ROCK1: variants seen among roughly 807,000 people sequenced by gnomAD.
ROCK1 encodes the protein Rho associated coiled-coil containing protein kinase 1, also known as rho-associated protein kinase 1.
In ROCK1, 36 loss-of-function variants were observed where a neutral mutation model predicts 196.8. The ratio of observed to expected loss-of-function variants is 0.18; its 90% CI spans 0.14 to 0.24. ROCK1 has a LOEUF of 0.24. ROCK1 is among the 10% of genes least tolerant of loss of function. The pLI, the probability that ROCK1 is intolerant of heterozygous loss-of-function variation, is 1.00. For synonymous variants in ROCK1, 443 were observed against 515.9 expected (o/e 0.86, Z 1.91); for missense variants, 920 against 1,562.0 (o/e 0.59, Z 6.93).
chr18:21,076,672 TACAC>T (rs112541303), intron 1 of ROCK1, among the ~76,000 whole-genome samples: 325 of 145,152 alleles, frequency 2.2e-3, no homozygotes, highest in Middle Eastern at 3.5e-3. Context: ...TCTTGGTACA[TACAC>T]ACACACACAC....
intron 16 of ROCK1, among the ~76,000 whole-genome samples, chr18:21,004,246 G>C (rs2035750231): frequency 6.6e-6 from 1 of 152,146 alleles, no homozygotes; most frequent in African/African-American, 2.4e-5. Flanking sequence ...CTATGCAACA[G>C]AGATCATATA....
intron 2 of ROCK1, among the ~76,000 whole-genome samples, chr18:21,058,906 G>A (rs2036266291): frequency 6.6e-6 from 1 of 152,066 alleles, no homozygotes; most frequent in African/African-American, 2.4e-5. Context: ...ATTATTTCAT[G>A]TCCAAATGTT....
intron 1 of ROCK1, among the ~76,000 whole-genome samples, chr18:21,077,736 A>C (rs1449111973): frequency 6.6e-6 from 1 of 152,174 alleles, no homozygotes; most frequent in Non-Finnish European, 1.5e-5. Flanking sequence ...CTCTCATCTC[A>C]TGTGAGTTTC....
At chr18:20,965,547 C>T (rs2035366752) in intron 27 of ROCK1, among the ~76,000 whole-genome samples, 2 of 152,040 alleles carry the variant, frequency 1.3e-5, no homozygotes, top group African/African-American at 4.8e-5. Context: ...GGGAATCTAA[C>T]CTACCAATTC....
chr18:20,985,971 ACCT>A (rs925624680), intron 19 of ROCK1, among the ~76,000 whole-genome samples: 10 of 152,070 alleles, frequency 6.6e-5, no homozygotes, highest in African/African-American at 2.4e-4. Flanking sequence ...GAATCCTCCC[ACCT>A]CAGCCTCCTG....
At chr18:21,061,269 G>A (rs117233764) in intron 2 of ROCK1, among the ~76,000 whole-genome samples, 1,835 of 152,002 alleles carry the variant, frequency 0.012, 20 homozygotes, top group South Asian at 0.021. Flanking sequence ...TAATACAGAC[G>A]GGGTTTTGTC....
rs2036113287 is a variant in ROCK1 at position 21,042,218 on chromosome 18, C to A, written c.838G>T (p.Ala280Ser). 1 of 1,573,916 alleles carries A rather than the reference C, an allele frequency of 6.4e-7. No homozygotes were observed. Among genetic ancestry groups the A allele is most frequent in the Non-Finnish European group, 8.6e-7 (1 of 1,166,324 alleles). Residue 280 changes from alanine (A) to serine (S), a missense_variant, in exon 8 of 33, where the codon GCA (alanine) becomes TCA (serine). Ala to Ser is a moderately conservative substitution (Grantham distance 99). This residue lies in a region of ROCK1 where 234 missense variants were observed against 460.7 expected (regional missense o/e 0.51). Coordinates refer to ENST00000399799, the MANE Select transcript of ROCK1 (RefSeq NM_005406.3). ...EMLVGDTPFYADSLVGTYSKI... is the reference protein window; with the variant it reads ...EMLVGDTPFYSDSLVGTYSKI... ...CTGTAAGTTCCAACCAAAGAATCTG[C>A]ATAAAAAGGTGTATCACCTGAAAAA...
Position 21,042,588 on chromosome 18 carries a change from A to G in ROCK1, c.797T>C (p.Val266Ala). ...ACCTACAAGCATTTCGTATAAAAAT[A>G]CCCCAACCGACCACCAGTCACATTC... ...GRECDWWSVGVFLYEMLVGDT... is the reference protein window; with the variant it reads ...GRECDWWSVGAFLYEMLVGDT... The change falls in exon 7 of 33, where the codon GTA becomes GCA. Residue 266 changes from valine (V) to alanine (A), a missense_variant. Transcript: ENST00000399799. The G allele has an allele frequency of 6.2e-7, 1 of 1,613,754 alleles. No homozygotes were observed. Among genetic ancestry groups the G allele is most frequent in the Non-Finnish European group, 8.5e-7 (1 of 1,179,850 alleles).
intron 11 of ROCK1, among the ~76,000 whole-genome samples, chr18:21,020,561 T>C (rs2035905365): frequency 6.6e-6 from 1 of 152,080 alleles, no homozygotes; most frequent in South Asian, 2.1e-4. Context: ...AATATTACAA[T>C]AGACTGTGGT....
chr18:21,021,344 C>T (rs2035911419), intron 11 of ROCK1, among the ~76,000 whole-genome samples: 1 of 151,958 alleles, frequency 6.6e-6, no homozygotes, highest in African/African-American at 2.4e-5. Flanking sequence ...AGAGAAAGAG[C>T]AGAGAGCCAA....
chr18:21,055,075 C>A (rs760595383), intron 2 of ROCK1, among the ~76,000 whole-genome samples: 45 of 152,282 alleles, frequency 3.0e-4, no homozygotes, highest in Non-Finnish European at 5.6e-4. Context: ...ATTATAATCA[C>A]TCCCTTGCAT....
intron 16 of ROCK1, among the ~76,000 whole-genome samples, chr18:20,994,342 C>A (rs2035652315): frequency 6.6e-6 from 1 of 152,074 alleles, no homozygotes; most frequent in South Asian, 2.1e-4. Context: ...ATATAATTAT[C>A]TTTAAAATAG....
At chr18:21,109,878 C>T (rs1459535555) in intron 1 of ROCK1, among the ~76,000 whole-genome samples, 2 of 152,068 alleles carry the variant, frequency 1.3e-5, no homozygotes, top group African/African-American at 2.4e-5. Flanking sequence ...AACATTATTT[C>T]ACCGAAGACA....
In ROCK1 at chr18:20,948,011, G is replaced by C. The variant is rs968763444; in HGVS notation, c.*3373C>G. 1 of 152,010 alleles carries C rather than the reference G, an allele frequency of 6.6e-6. No individual in the cohort carries two copies. Among genetic ancestry groups the C allele is most frequent in the African/African-American group, 2.4e-5 (1 of 41,320 alleles). The allele number at this position is 152,010 out of a possible 1,614,324, so 9.4% of individuals were successfully genotyped here. ...TGTAATCCCAGCTACTCGGGAGTCT[G>C]AGGCAGGAGGATCACTTGAACCTGG... On this transcript the variant is annotated 3_prime_UTR_variant, in exon 33 of 33. Transcript: ENST00000399799.
intron 27 of ROCK1, among the ~76,000 whole-genome samples, chr18:20,961,614 C>G (rs1194052625): frequency 4.6e-5 from 7 of 152,060 alleles, no homozygotes. Context: ...GTTTCTAGAG[C>G]ACAACACTAT....
At chr18:21,078,201 C>T (rs532965797) in intron 1 of ROCK1, among the ~76,000 whole-genome samples, 5 of 151,964 alleles carry the variant, frequency 3.3e-5, no homozygotes, top group African/African-American at 9.7e-5. Context: ...TGGTGGCGTG[C>T]GCCTGTGGTC....
At chr18:20,997,541 G>C (rs1407653689) in intron 16 of ROCK1, among the ~76,000 whole-genome samples, 1 of 152,056 alleles carries the variant, frequency 6.6e-6, no homozygotes, top group South Asian at 2.1e-4. Context: ...CCCAATCCTG[G>C]AGACTTCAAC....
At chr18:20,993,560 T>G (rs2035645318) in intron 16 of ROCK1, among the ~76,000 whole-genome samples, 1 of 152,194 alleles carries the variant, frequency 6.6e-6, no homozygotes, top group Non-Finnish European at 1.5e-5. Flanking sequence ...AGGCAAGTAT[T>G]AAGTGGTCCA....
At chr18:21,072,543 A>T (rs2036394718) in intron 1 of ROCK1, among the ~76,000 whole-genome samples, 1 of 152,200 alleles carries the variant, frequency 6.6e-6, no homozygotes, top group South Asian at 2.1e-4. Context: ...AATACTCTGA[A>T]GTTCCATAAA....
Sources: gnomAD v4.1 joint callset for allele counts (sites outside exome capture counted in the v4.1 genomes callset) on GRCh38, gnomAD v4.1.1 for gene constraint, gnomAD v4.1.1 regional missense constraint, MANE v1.5 for transcripts, NCBI Gene and HGNC (gene_info 2026-07-23, HGNC 2026-07-21) for gene names.